The following SGSM3 variants were observed in gnomAD, a reference collection of about 807,000 sequenced individuals.
SGSM3 encodes the protein RUN and SH3 containing 3.
In SGSM3, 96 loss-of-function variants were observed where a neutral mutation model predicts 100.5. The observed-to-expected ratio is 0.96, with a 90% CI of 0.81 to 1.13. The LOEUF (loss-of-function observed/expected upper bound fraction) is 1.13, where lower values mean the gene tolerates loss of function less well. Ranked by LOEUF, SGSM3 falls within the 50% of genes most tolerant of loss-of-function variation. The pLI, the probability that SGSM3 is intolerant of heterozygous loss-of-function variation, is 0.00. For synonymous variants in SGSM3, 483 were observed against 422.8 expected (o/e 1.14, Z -1.75); for missense variants, 1,001 against 1,015.8 (o/e 0.99, Z 0.20).
chr22:40,409,759 A>G lies in SGSM3; in HGVS notation c.2250A>G (p.Ter750TrpextTer69). Residue 750 changes from the stop codon to tryptophan (W), a stop_lost, in exon 22 of 22, where the codon TGA (stop) becomes TGG (tryptophan). Coordinates refer to ENST00000248929, the MANE Select transcript of SGSM3 (RefSeq NM_015705.6). ...TCTTCAGCTGGGATGTGGACGGGTG[A>G]CCCCCTCCTCCCCAGCCCAACCTCG... Reference protein sequence around the residue: ...HHLFSWDVDG* With the variant: ...HHLFSWDVDGW 2 of 1,602,646 alleles carry G rather than the reference A, an allele frequency of 1.2e-6. No individual in the cohort carries two copies. The highest frequency in any genetic ancestry group is 1.7e-6 in the Non-Finnish European group (2 of 1,177,400).
intron 1 of SGSM3, among the ~76,000 whole-genome samples, chr22:40,393,329 G>A (rs1401803225): frequency 6.6e-6 from 1 of 152,226 alleles, no homozygotes; most frequent in African/African-American, 2.4e-5. Context: ...CGTTGGCCAG[G>A]CTGGTCGCAA....
At chr22:40,388,314 C>T (rs897117682) in intron 1 of SGSM3, 13 of 152,308 alleles carry the variant, frequency 8.5e-5, no homozygotes, top group Non-Finnish European at 1.2e-4. Context: ...GCCACTAGCT[C>T]CTTCATCGTG....
intron 20 of SGSM3, 36 bp from the exon 21 acceptor site, chr22:40,409,429 G>C: frequency 1.3e-6 from 2 of 1,567,990 alleles, no homozygotes; most frequent in Middle Eastern, 1.7e-4. Context: ...CTAGCTGGGG[G>C]TGACAAGAGC....
rs763081645 is a variant in SGSM3, at chr22:40,408,675, C to T, written c.1831C>T (p.Leu611=). Residue 611 remains leucine (L), a synonymous_variant, in exon 17 of 22, where the codon CTG becomes TTG. Coordinates refer to ENST00000248929, the MANE Select transcript of SGSM3 (RefSeq NM_015705.6). ...ERDFASVYSR[L]VLCKTFRLDE... The stretch of plus-strand genomic sequence containing the variant: ...AGACTTTGCCTCCGTGTATTCCCGT[C>T]TGGTGCTCTGTAAGACCTTCAGGTA... The T allele has an allele frequency of 6.2e-7, 1 of 1,613,940 alleles. No homozygotes were observed. The highest frequency in any genetic ancestry group is 8.5e-7 in the Non-Finnish European group (1 of 1,180,040).
intron 1 of SGSM3, among the ~76,000 whole-genome samples, chr22:40,384,738 G>GC (rs2048160905): frequency 6.6e-6 from 1 of 152,110 alleles, no homozygotes; most frequent in East Asian, 1.9e-4. Flanking sequence ...CTGAGATAGC[G>GC]CCATTGCACT....
chr22:40,395,181 G>A (rs548909067), intron 1 of SGSM3, among the ~76,000 whole-genome samples: 1 of 152,198 alleles, frequency 6.6e-6, no homozygotes, highest in Admixed American at 6.5e-5. Context: ...AATTTTTTTT[G>A]TTGGTTGGAT....
chr22:40,376,575 G>GAA (rs2046646308), intron 1 of SGSM3: 1 of 152,102 alleles, frequency 6.6e-6, no homozygotes, highest in East Asian at 1.9e-4. Context: ...TTAGGTGTTT[G>GAA]CTATATATAC....
At chr22:40,394,007 A>G (rs2049721057) in intron 1 of SGSM3, among the ~76,000 whole-genome samples, 1 of 152,134 alleles carries the variant, frequency 6.6e-6, no homozygotes, top group Non-Finnish European at 1.5e-5. Flanking sequence ...CTTCTGTTTC[A>G]TTGGCCAGTT....
At position 40,401,739 on chromosome 22, in the gene SGSM3, C is replaced by T; in HGVS notation, c.90+64C>T. ...ACGCTGTGGTATGAAGGGGACCCAG[C>T]TCTGCAGGCTGCCCAGGAAGAGGTG... is the stretch of plus-strand genomic sequence containing the variant. On this transcript the variant is annotated intron_variant, in intron 3 of 21. Transcript: ENST00000248929. The T allele has an allele frequency of 3.6e-6, 5 of 1,397,578 alleles. No individual in the cohort carries two copies. The Admixed American group carries it at 5.0e-5, about 14-fold the overall frequency. 86.6% of individuals were successfully genotyped at this position (1,397,578 alleles called of 1,614,324 possible).
At chr22:40,401,797 A>G in intron 3 of SGSM3, 122 bp downstream of exon 3, 2 of 780,374 alleles carry the variant, frequency 2.6e-6, no homozygotes, top group Non-Finnish European at 4.5e-6. Flanking sequence ...GTTCCCCACC[A>G]GAGATGGTAT....
At chr22:40,396,247 C>T (rs1249481249) in intron 1 of SGSM3, among the ~76,000 whole-genome samples, 1 of 152,050 alleles carries the variant, frequency 6.6e-6, no homozygotes, top group African/African-American at 2.4e-5. Context: ...GTCCTCTTCC[C>T]CTCCTCACAG....
In SGSM3 at chr22:40,409,971, A is replaced by C; in HGVS notation, c.*212A>C. ...GGGTCCTTAGGGATGCTCTAGGCCAAACCACAGTTTGTACCAAAAACCTTG... is the reference window on the plus strand; with the variant it reads ...GGGTCCTTAGGGATGCTCTAGGCCACACCACAGTTTGTACCAAAAACCTTG... On this transcript the variant is annotated 3_prime_UTR_variant, in exon 22 of 22. Coordinates refer to ENST00000248929, the MANE Select transcript of SGSM3 (RefSeq NM_015705.6). 2.9e-6 allele frequency: 4 copies of C among 1,359,450 alleles called. No individual in the cohort carries two copies. Among genetic ancestry groups the C allele is most frequent in the African/African-American group, 1.5e-5 (1 of 66,846 alleles). 84.2% of individuals were successfully genotyped at this position (1,359,450 alleles called of 1,614,324 possible).
Position 40,410,099 on chromosome 22 carries a change from C to CTGTCTT in SGSM3, c.*341_*342insGTCTTT. 1 of 1,191,038 alleles carries CTGTCTT rather than the reference C, an allele frequency of 8.4e-7. No individual in the cohort carries two copies. The highest frequency in any genetic ancestry group is 1.0e-6 in the Non-Finnish European group (1 of 960,094). The allele number at this position is 1,191,038 out of a possible 1,614,324, so 73.8% of individuals were successfully genotyped here. A position where few individuals can be genotyped will look rare whatever the true frequency, so the allele number is the denominator to read the frequency against. On this transcript the variant is annotated 3_prime_UTR_variant, in exon 22 of 22. Transcript: ENST00000248929. ...TGGTTTATAAATAAACTGTGTCTGT[C>CTGTCTT]TTTGAGAAAGCACCTACCTGTCTTC...
In SGSM3 at chr22:40,408,359, T is replaced by C. The variant is rs1455495287; in HGVS notation, c.1712T>C (p.Leu571Pro). 6.2e-7 allele frequency: 1 copy of C among 1,613,570 alleles called. No individual in the cohort carries two copies. The highest frequency in any genetic ancestry group is 8.5e-7 in the Non-Finnish European group (1 of 1,180,002). Reference sequence around the variant, plus strand: ...ACCCTCTGCCCGGCCCTTAAGGCCCTGTTCGAACATGGACTGAAGAAGCCA... The same window carrying C: ...ACCCTCTGCCCGGCCCTTAAGGCCCCGTTCGAACATGGACTGAAGAAGCCA... ...RGTLCPALKA[L>P]FEHGLKKPSL... Residue 571 changes from leucine (L) to proline (P), a missense_variant, in exon 16 of 22, where the codon CTG (leucine) becomes CCG (proline). Leu to Pro is a moderately conservative substitution (Grantham distance 98). Coordinates refer to ENST00000248929, the MANE Select transcript of SGSM3 (RefSeq NM_015705.6).
At chr22:40,405,458 TGCAA>T (rs2051350340) in intron 7 of SGSM3, among the ~76,000 whole-genome samples, 174 bp downstream of exon 7, 1 of 152,156 alleles carries the variant, frequency 6.6e-6, no homozygotes, top group South Asian at 2.1e-4. Flanking sequence ...CTGCACGTTA[TGCAA>T]GCAGAGGCGC....
chr22:40,409,254 C>A lies in SGSM3; in HGVS notation c.1993C>A (p.Gln665Lys), dbSNP rs1293637619. 2 of 1,604,682 alleles carry A rather than the reference C, an allele frequency of 1.2e-6. No individual in the cohort carries two copies. Among genetic ancestry groups the A allele is most frequent in the Admixed American group, 1.7e-5 (1 of 59,218 alleles). ...CACTCCTGGCCATGTCCCCAGTGAG[C>A]AGGTGCTGCACCTGTGGCTGGAGGT... is the stretch of plus-strand genomic sequence containing the variant. ...RSLICVGLNE[Q>K]VLHLWLEVLC... Residue 665 changes from glutamine (Q) to lysine (K), a missense_variant, in exon 20 of 22, where the codon CAG becomes AAG. Gln to Lys is a moderately conservative substitution (Grantham distance 53). Transcript: ENST00000248929.
intron 1 of SGSM3, among the ~76,000 whole-genome samples, chr22:40,384,520 C>T (rs1319165758): frequency 6.6e-6 from 1 of 152,164 alleles, no homozygotes; most frequent in Non-Finnish European, 1.5e-5. Context: ...GTGGCTCACG[C>T]CTGTAATCCC....
chr22:40,405,099 C>T, intron 6 of SGSM3, 42 bp from the exon 7 acceptor site: 5 of 1,469,476 alleles, frequency 3.4e-6, no homozygotes, highest in Non-Finnish European at 4.5e-6. Flanking sequence ...CCCAGGGTGT[C>T]ACAAGGTCTT....
intron 2 of SGSM3, 28 bp downstream of exon 2, chr22:40,400,841 G>A (rs1163305239): frequency 2.0e-6 from 3 of 1,525,164 alleles, no homozygotes; most frequent in Admixed American, 2.3e-5. Context: ...ACTTGGAAAC[G>A]GGGTTTGAAG....
Sources: allele counts gnomAD v4.1 joint callset (sites outside exome capture counted in the v4.1 genomes callset), GRCh38; gene constraint gnomAD v4.1.1; transcripts MANE v1.5; gene names NCBI Gene and HGNC (gene_info 2026-07-23, HGNC 2026-07-21).